RASGRF2: variants seen among roughly 807,000 people sequenced by gnomAD.
RASGRF2 encodes the protein ras-specific guanine nucleotide-releasing factor 2.
A neutral mutation model predicts 151.0 loss-of-function variants in RASGRF2; 76 were observed. The observed-to-expected ratio is 0.50, with a 90% CI of 0.42 to 0.61. RASGRF2 has a LOEUF of 0.61. RASGRF2 is among the 20% of genes least tolerant of loss of function. The pLI is 0.00. For missense variants in RASGRF2, 1,148 were observed against 1,564.6 expected (o/e 0.73, Z 4.49); for synonymous variants, 504 against 566.5 (o/e 0.89, Z 1.57).
At chr5:81,038,612 G>A (rs538895054) in intron 1 of RASGRF2, among the ~76,000 whole-genome samples, 5 of 99,492 alleles carry the variant, frequency 5.0e-5, no homozygotes, top group African/African-American at 1.9e-4. Flanking sequence ...GTCTCTCTAT[G>A]TTGCCTAGGC....
intron 1 of RASGRF2, among the ~76,000 whole-genome samples, chr5:81,037,500 T>A (rs1050110898): frequency 2.0e-5 from 3 of 152,178 alleles, no homozygotes; most frequent in African/African-American, 7.2e-5. Context: ...TCAGTCCTCT[T>A]CTGAAATTTC....
At chr5:81,164,854 G>A (rs1041922876) in intron 17 of RASGRF2, among the ~76,000 whole-genome samples, 3 of 152,276 alleles carry the variant, frequency 2.0e-5, no homozygotes, top group South Asian at 2.1e-4. Context: ...ACATCTAGGC[G>A]GGGCAGAAGA....
At chr5:81,170,803 T>A (rs1315730806) in intron 17 of RASGRF2, among the ~76,000 whole-genome samples, 1 of 152,180 alleles carries the variant, frequency 6.6e-6, no homozygotes, top group African/African-American at 2.4e-5. Context: ...TATGTCTGCC[T>A]CCTCCCAGTA....
chr5:81,188,402 A>C (rs745397730), intron 18 of RASGRF2, among the ~76,000 whole-genome samples: 9 of 152,200 alleles, frequency 5.9e-5, no homozygotes, highest in Non-Finnish European at 8.8e-5. Flanking sequence ...CTTCCAGTGC[A>C]GAAGTGTGTC....
intron 12 of RASGRF2, among the ~76,000 whole-genome samples, chr5:81,102,755 C>A (rs1364736763): frequency 6.6e-6 from 1 of 151,132 alleles, no homozygotes; most frequent in Non-Finnish European, 1.5e-5. Flanking sequence ...GACTTATTCA[C>A]ATGGTGTAAA....
chr5:81,218,177 T>C (rs1472563955), intron 25 of RASGRF2, among the ~76,000 whole-genome samples: 2 of 152,208 alleles, frequency 1.3e-5, no homozygotes, highest in African/African-American at 2.4e-5. Context: ...GCCCAATGTT[T>C]GCTTTTTAAT....
At chr5:81,144,625 A>T (rs1030378653) in intron 17 of RASGRF2, among the ~76,000 whole-genome samples, 1 of 152,230 alleles carries the variant, frequency 6.6e-6, no homozygotes, top group African/African-American at 2.4e-5. Flanking sequence ...CTGTATATAA[A>T]TTGAGTGGTT....
At chr5:81,037,821 C>T (rs745894008) in intron 1 of RASGRF2, among the ~76,000 whole-genome samples, 1 of 152,162 alleles carries the variant, frequency 6.6e-6, no homozygotes, top group Non-Finnish European at 1.5e-5. Context: ...ATGTACCCCT[C>T]CTTGAAACCT....
chr5:81,219,639 G>T, intron 25 of RASGRF2, 71 bp from the exon 26 acceptor site: 1 of 1,301,204 alleles, frequency 7.7e-7, no homozygotes, highest in Middle Eastern at 1.8e-4. Context: ...TCAGAAGAAT[G>T]TGCTGCAATG....
chr5:81,200,204 G>A (rs1341948593), intron 18 of RASGRF2, among the ~76,000 whole-genome samples: 2 of 151,338 alleles, frequency 1.3e-5, no homozygotes, highest in African/African-American at 4.9e-5. Flanking sequence ...CCAGGAATTT[G>A]AGGCTGCAGT....
intron 17 of RASGRF2, among the ~76,000 whole-genome samples, chr5:81,174,331 G>C (rs1278590471): frequency 6.6e-6 from 1 of 152,238 alleles, no homozygotes; most frequent in African/African-American, 2.4e-5. Context: ...AGTTTGAAAT[G>C]AGGAGTTTGG....
intron 1 of RASGRF2, among the ~76,000 whole-genome samples, chr5:81,008,243 C>G (rs1042302186): frequency 6.7e-6 from 1 of 148,298 alleles, no homozygotes; most frequent in African/African-American, 2.5e-5. Flanking sequence ...CTCCTCCTCC[C>G]GGGTTCAAGC....
intron 1 of RASGRF2, among the ~76,000 whole-genome samples, chr5:80,999,747 G>A (rs957321236): frequency 1.5e-4 from 23 of 152,172 alleles, no homozygotes; most frequent in Non-Finnish European, 4.4e-5. Context: ...TCCTTAGTTC[G>A]ATTTCTTTAA....
At chr5:81,212,216 T>C (rs1024827644) in intron 22 of RASGRF2, 150 bp from the exon 23 acceptor site, 12 of 573,996 alleles carry the variant, frequency 2.1e-5, no homozygotes, top group Middle Eastern at 9.2e-4. Context: ...TTTAGTCTCT[T>C]TAGAAAGTTG....
At chr5:81,031,969 TCAC>T (rs1750269479) in intron 1 of RASGRF2, among the ~76,000 whole-genome samples, 1 of 151,876 alleles carries the variant, frequency 6.6e-6, no homozygotes, top group South Asian at 2.1e-4. Flanking sequence ...AAAGGGGATA[TCAC>T]CACCGATCCC....
intron 12 of RASGRF2, among the ~76,000 whole-genome samples, chr5:81,108,436 A>T (rs370268111): frequency 1.8e-4 from 27 of 152,358 alleles, no homozygotes; most frequent in African/African-American, 5.5e-4. Flanking sequence ...ACCAAACAGC[A>T]TTAGTATCAG....
intron 18 of RASGRF2, chr5:81,183,100 G>A: frequency 3.6e-6 from 3 of 835,608 alleles, no homozygotes; most frequent in Non-Finnish European, 4.3e-6. Flanking sequence ...TTTAAAAAAT[G>A]AGTAGGAAGT....
chr5:81,012,768 C>A (rs1306359935), intron 1 of RASGRF2, among the ~76,000 whole-genome samples: 1 of 151,946 alleles, frequency 6.6e-6, no homozygotes, highest in Non-Finnish European at 1.5e-5. Flanking sequence ...CTAGGGGATC[C>A]TGTACAAGCA....
Position 80,960,527 on chromosome 5 carries a change from G to A in RASGRF2, c.-212G>A. ...GGCCGGGAGGGTGGTGGTTAGGGCG[G>A]AGAGCGTGCCTCGGCCCCAGCCCGC... On this transcript the variant is annotated 5_prime_UTR_variant, in exon 1 of 27. Coordinates refer to ENST00000265080, the MANE Select transcript of RASGRF2 (RefSeq NM_006909.3). This position sits in a 1 kb window ranked among gnomAD's most constrained non-coding sequence, Gnocchi z 5.5. The A allele has an allele frequency of 6.5e-6, 2 of 309,530 alleles. No homozygotes were observed. The highest frequency in any genetic ancestry group is 1.1e-5 in the Non-Finnish European group (2 of 175,768). The allele number at this position is 309,530 out of a possible 1,614,324, so 19.2% of individuals were successfully genotyped here. A position where few individuals can be genotyped will look rare whatever the true frequency, so the allele number is the denominator to read the frequency against.
Sources: allele counts gnomAD v4.1 joint callset (sites outside exome capture counted in the v4.1 genomes callset), GRCh38; gene constraint gnomAD v4.1.1; non-coding constraint Gnocchi (gnomAD v3.1); transcripts MANE v1.5; gene names NCBI Gene and HGNC (gene_info 2026-07-23, HGNC 2026-07-21).